The following EXOC4 variants were observed in gnomAD, a reference collection of about 807,000 sequenced individuals.
The protein encoded by EXOC4 is exocyst complex component 4.
EXOC4 carries 71 observed loss-of-function variants against 107.2 expected under a neutral mutation model. The ratio of observed to expected loss-of-function variants is 0.66; its 90% CI spans 0.55 to 0.81. EXOC4 has a LOEUF of 0.81. Ranked by LOEUF, EXOC4 falls within the 30% of genes least tolerant of loss-of-function variation. The probability of loss-of-function intolerance (pLI) is 0.00; values close to 1 mark genes in which losing one functional copy is unlikely to be tolerated. For missense variants in EXOC4, 1,108 were observed against 1,189.6 expected, an observed-to-expected ratio of 0.93 and a Z score of 1.01; for synonymous variants, 456 against 441.2, an observed-to-expected ratio of 1.03 and a Z score of -0.42.
chr7:133,630,267 GGCCTC>G (rs2151015074), intron 10 of EXOC4, 126 bp downstream of exon 10: 1 of 669,334 alleles, frequency 1.5e-6, no homozygotes, highest in African/African-American at 1.8e-5. Context: ...CCATTTTTAG[GGCCTC>G]ACTATTAAAG....
In EXOC4 at chr7:133,574,197, A is replaced by G. The variant is rs533649941; in HGVS notation, c.1418-55848A>G. On this transcript the variant is annotated intron_variant, in intron 9 of 17. Transcript: ENST00000253861. ...GCTCTTGAAAAGAGAGTGTGTGTGT[A>G]TGTTTGTGCACACGTATGTGTGTAC... 7.9e-5 allele frequency among the ~76,000 whole-genome samples: 12 copies of G among 152,216 alleles called. 2 individuals carry two copies. The South Asian group carries it at 2.1e-3, about 26-fold the overall frequency.
At chr7:133,490,582 C>T (rs118159639) in intron 9 of EXOC4, among the ~76,000 whole-genome samples, 4,671 of 152,132 alleles carry the variant, frequency 0.031, 109 homozygotes, top group Non-Finnish European at 0.045. Context: ...CAACATGAAT[C>T]GGATATTTTT....
intron 17 of EXOC4, among the ~76,000 whole-genome samples, chr7:134,062,689 GTC>G (rs2116634706): frequency 6.6e-6 from 1 of 151,672 alleles, no homozygotes; most frequent in Non-Finnish European, 1.5e-5. Flanking sequence ...CTGGCTCAGA[GTC>G]TGTGTTGAAC....
At chr7:133,855,144 A>AATATATATATAAATATATATAAAT (rs1798345624) in intron 11 of EXOC4, among the ~76,000 whole-genome samples, 13 of 96,498 alleles carry the variant, frequency 1.3e-4, no homozygotes, top group African/African-American at 7.6e-4. Context: ...TATATATATA[A>AATATATATATAAATATATATAAAT]ATATATATAT....
the EXOC4 span, among the ~76,000 whole-genome samples, chr7:134,089,763 G>T: frequency 6.6e-6 from 1 of 152,106 alleles, no homozygotes; most frequent in African/African-American, 2.4e-5. Flanking sequence ...TTTAGGACAA[G>T]AATTTACCAT....
At chr7:133,386,975 G>A (rs918126257) in intron 7 of EXOC4, among the ~76,000 whole-genome samples, 5 of 152,152 alleles carry the variant, frequency 3.3e-5, no homozygotes, top group African/African-American at 9.7e-5. Context: ...GTATAATCTG[G>A]TTGATGAAGT....
chr7:133,933,871 C>G (rs1239994703), intron 13 of EXOC4, among the ~76,000 whole-genome samples: 1 of 152,232 alleles, frequency 6.6e-6, no homozygotes, highest in East Asian at 1.9e-4. Context: ...TTCCGTTTTT[C>G]TCTTCACTAA....
chr7:133,268,616 C>T (rs951196204), intron 1 of EXOC4, among the ~76,000 whole-genome samples: 1 of 152,178 alleles, frequency 6.6e-6, no homozygotes, highest in Non-Finnish European at 1.5e-5. Context: ...ATTTGATCGT[C>T]TACACTGAAA....
intron 9 of EXOC4, among the ~76,000 whole-genome samples, chr7:133,535,070 G>C (rs1800247984): frequency 6.6e-6 from 1 of 152,140 alleles, no homozygotes; most frequent in African/African-American, 2.4e-5. Flanking sequence ...TGAGCACGTG[G>C]AAGAACCGTA....
At chr7:133,561,225 T>C (rs1421558101) in intron 9 of EXOC4, among the ~76,000 whole-genome samples, 1 of 152,224 alleles carries the variant, frequency 6.6e-6, no homozygotes, top group Non-Finnish European at 1.5e-5. Flanking sequence ...TTTTAATCTC[T>C]GTTGTGGGAA....
chr7:133,988,796 C>T (rs1794179881), intron 14 of EXOC4, among the ~76,000 whole-genome samples: 3 of 151,798 alleles, frequency 2.0e-5, no homozygotes, highest in South Asian at 4.2e-4. Flanking sequence ...AGAGGGGATA[C>T]GCTGAAGAGA....
At chr7:133,424,753 A>T (rs1224650999) in intron 7 of EXOC4, among the ~76,000 whole-genome samples, 4 of 152,252 alleles carry the variant, frequency 2.6e-5, no homozygotes, top group African/African-American at 9.6e-5. Context: ...TAAATAATCC[A>T]TAAAAATGTG....
At chr7:133,315,731 G>A (rs1794976931) in intron 4 of EXOC4, among the ~76,000 whole-genome samples, 1 of 152,180 alleles carries the variant, frequency 6.6e-6, no homozygotes, top group South Asian at 2.1e-4. Context: ...GTTGTTGGGA[G>A]GATGCCAGTT....
At chr7:133,575,166 T>C (rs1324959198) in intron 9 of EXOC4, among the ~76,000 whole-genome samples, 1 of 152,202 alleles carries the variant, frequency 6.6e-6, no homozygotes, top group Non-Finnish European at 1.5e-5. Context: ...TTACCCCTTG[T>C]GGCTTCCTAA....
intron 10 of EXOC4, among the ~76,000 whole-genome samples, chr7:133,757,343 T>A (rs1394221941): frequency 6.6e-6 from 1 of 152,258 alleles, no homozygotes; most frequent in African/African-American, 2.4e-5. Flanking sequence ...GAAAAAAATA[T>A]GAAGCATCTT....
At chr7:133,851,709 A>C (rs143116984) in intron 11 of EXOC4, among the ~76,000 whole-genome samples, 1 of 152,328 alleles carries the variant, frequency 6.6e-6, no homozygotes, top group East Asian at 1.9e-4. Flanking sequence ...CACTTCAGCA[A>C]TATCAGAGAG....
At chr7:133,680,548 C>T (rs185789741) in intron 10 of EXOC4, among the ~76,000 whole-genome samples, 1 of 152,298 alleles carries the variant, frequency 6.6e-6, no homozygotes, top group Non-Finnish European at 1.5e-5. Context: ...CTCAGGAATA[C>T]TGACCCTTCT....
chr7:133,427,362 A>G (rs1399142797), intron 7 of EXOC4, among the ~76,000 whole-genome samples: 2 of 152,144 alleles, frequency 1.3e-5, no homozygotes, highest in East Asian at 3.9e-4. Context: ...CATCACCTCT[A>G]TACGTTTTCA....
intron 5 of EXOC4, among the ~76,000 whole-genome samples, chr7:133,333,960 A>C (rs1442750734): frequency 1.3e-5 from 2 of 152,240 alleles, no homozygotes; most frequent in Non-Finnish European, 2.9e-5. Context: ...CAATTTGCAT[A>C]TTAGAAGGCT....
Sources: gnomAD v4.1 joint callset for allele counts (sites outside exome capture counted in the v4.1 genomes callset) on GRCh38, gnomAD v4.1.1 for gene constraint, MANE v1.5 for transcripts, NCBI Gene and HGNC (gene_info 2026-07-23, HGNC 2026-07-21) for gene names.